The following PAX3 variants were observed in gnomAD, a reference collection of about 807,000 sequenced individuals.
The protein encoded by PAX3 is paired box 3, also known as paired box protein Pax-3.
In PAX3, 14 loss-of-function variants were observed where a neutral mutation model predicts 51.6. That is an observed-to-expected ratio of 0.27 (90% CI 0.18 to 0.42). The LOEUF (loss-of-function observed/expected upper bound fraction) is 0.42, where lower values mean the gene tolerates loss of function less well. Among genes scored for constraint, PAX3 ranks in the 10% least tolerant of loss-of-function variants. PAX3 has a pLI of 1.00. For missense variants in PAX3, 540 were observed against 642.8 expected, an observed-to-expected ratio of 0.84 and a Z score of 1.73; for synonymous variants, 280 against 253.4, an observed-to-expected ratio of 1.11 and a Z score of -1.00.
Position 222,213,459 on chromosome 2 carries a change from G to A in PAX3, c.1173+6681C>T, listed in dbSNP as rs370965656. 4.1e-4 allele frequency among the ~76,000 whole-genome samples: 63 copies of A among 152,282 alleles called. 2 individuals carry two copies. Among genetic ancestry groups the A allele is most frequent in the African/African-American group, 1.5e-3 (61 of 41,578 alleles). On this transcript the variant is annotated intron_variant, in intron 7 of 8. Coordinates refer to ENST00000392070, the MANE Select transcript of PAX3 (RefSeq NM_181458.4). ...GGCCAGTGGTTATTCTGGTGTAGCT[G>A]AAATGGGCTCGTTTATGATCATAAA... is the stretch of plus-strand genomic sequence containing the variant.
chr2:222,232,665 A>G (rs781184730), intron 4 of PAX3, among the ~76,000 whole-genome samples: 10 of 152,140 alleles, frequency 6.6e-5, no homozygotes, highest in Non-Finnish European at 1.0e-4. Flanking sequence ...GTATGGCCCT[A>G]TGCTTACTAC....
chr2:222,294,262 T>C lies in PAX3; in HGVS notation c.491A>G (p.Lys164Arg), dbSNP rs1475865343. 2 of 1,614,210 alleles carry C rather than the reference T, an allele frequency of 1.2e-6. No homozygotes were observed. The highest frequency in any genetic ancestry group is 1.7e-6 in the Non-Finnish European group (2 of 1,180,030). The part of the protein sequence containing the change: ...ISRILRSKFG[K>R]GEEEEADLER... Reference sequence around the variant, plus strand: ...CAAGTCGGCCTCCTCCTCTTCACCTTTCCCGAATTTACTTCTCAGGATGCG... The same window carrying C: ...CAAGTCGGCCTCCTCCTCTTCACCTCTCCCGAATTTACTTCTCAGGATGCG... Residue 164 changes from lysine to arginine, a missense_variant, in exon 4 of 9, where the codon AAA (lysine) becomes AGA (arginine). Lys to Arg is a conservative substitution (Grantham distance 26). This residue lies in a region of PAX3 where 427 missense variants were observed against 483.6 expected (regional missense o/e 0.88). Coordinates refer to ENST00000392070, the MANE Select transcript of PAX3 (RefSeq NM_181458.4).
chr2:222,231,499 GCTT>G lies in PAX3; in HGVS notation c.792+576_792+578del, dbSNP rs1692593529. ...TTTAAGTAATATAATTTCTTGAAAT[GCTT>G]CTTAATTATAAAATCGTTAAATGAA... On this transcript the variant is annotated intron_variant, in intron 5 of 8. Coordinates refer to ENST00000392070, the MANE Select transcript of PAX3 (RefSeq NM_181458.4). Among the ~76,000 whole-genome samples, 3 of 152,132 alleles carry G rather than the reference GCTT, an allele frequency of 2.0e-5. No individual in the cohort carries two copies. The South Asian group carries it at 6.2e-4, about 32-fold the overall frequency.
At chr2:222,243,072 C>T (rs935825722) in intron 4 of PAX3, among the ~76,000 whole-genome samples, 2 of 152,172 alleles carry the variant, frequency 1.3e-5, no homozygotes, top group Non-Finnish European at 2.9e-5. Context: ...TAGGACAAAA[C>T]TACCGAAAGA....
chr2:222,281,511 T>C (rs1266325004), intron 4 of PAX3, among the ~76,000 whole-genome samples: 1 of 152,212 alleles, frequency 6.6e-6, no homozygotes, highest in African/African-American at 2.4e-5. Flanking sequence ...TTCACCTGTA[T>C]AGATAAAAGC....
At position 222,221,311 on chromosome 2, in the gene PAX3, A is replaced by C. The variant is rs1259070275; in HGVS notation, c.869T>G (p.Ile290Ser). 2 of 1,613,954 alleles carry C rather than the reference A, an allele frequency of 1.2e-6. No individual in the cohort carries two copies. The highest frequency in any genetic ancestry group is 2.7e-5 in the African/African-American group (2 of 74,928). The change falls in exon 6 of 9, where the codon ATT (isoleucine) becomes AGT (serine). Residue 290 changes from isoleucine to serine, a missense_variant. Ile to Ser is a moderately radical substitution (Grantham distance 142). This residue lies in a region of PAX3 where 427 missense variants were observed against 483.6 expected (regional missense o/e 0.88). Transcript: ENST00000392070. The part of the protein sequence containing the change: ...ANQLMAFNHL[I>S]PGGFPPTAMP... The stretch of plus-strand genomic sequence containing the variant: ...GGCAGTGGGAGGGAACCCCCCGGGA[A>C]TGAGATGGTTGAAAGCCATCAGTTG...
At chr2:222,222,995 T>C (rs1692257165) in intron 5 of PAX3, among the ~76,000 whole-genome samples, 1 of 152,204 alleles carries the variant, frequency 6.6e-6, no homozygotes, top group African/African-American at 2.4e-5. Flanking sequence ...AGATGCAGCT[T>C]GTTACAGGAG....
intron 7 of PAX3, among the ~76,000 whole-genome samples, chr2:222,204,802 C>A (rs1382409483): frequency 2.0e-5 from 3 of 152,110 alleles, no homozygotes; most frequent in Non-Finnish European, 4.4e-5. Flanking sequence ...TATTGTCCTT[C>A]ATGAAGATAC....
At chr2:222,261,533 T>C (rs545776739) in intron 4 of PAX3, among the ~76,000 whole-genome samples, 56 of 151,660 alleles carry the variant, frequency 3.7e-4, no homozygotes, top group Middle Eastern at 3.4e-3. Context: ...AATATTTCTC[T>C]AATTGTCCTC....
intron 4 of PAX3, among the ~76,000 whole-genome samples, chr2:222,241,259 G>C (rs1693005311): frequency 6.6e-6 from 1 of 152,174 alleles, no homozygotes; most frequent in South Asian, 2.1e-4. Context: ...CCAAGAGAGA[G>C]GCCATTATTG....
At chr2:222,237,128 T>TA (rs1692827323) in intron 4 of PAX3, among the ~76,000 whole-genome samples, 1 of 152,050 alleles carries the variant, frequency 6.6e-6, no homozygotes, top group African/African-American at 2.4e-5. Flanking sequence ...CCTTCCCCCC[T>TA]AACTTCACAG....
At chr2:222,221,533 C>G (rs766866455) in intron 5 of PAX3, 146 bp from the exon 6 acceptor site, 13 of 773,530 alleles carry the variant, frequency 1.7e-5, no homozygotes, top group South Asian at 1.7e-4. Context: ...GTTGTTTGGG[C>G]GAATTGTCAG....
chr2:222,269,186 G>A (rs745378287), intron 4 of PAX3, among the ~76,000 whole-genome samples: 39 of 152,072 alleles, frequency 2.6e-4, no homozygotes, highest in Non-Finnish European at 4.9e-4. Flanking sequence ...GAACAAATAC[G>A]GACTGTTTCT....
At chr2:222,205,673 A>T (rs1691477119) in intron 7 of PAX3, among the ~76,000 whole-genome samples, 1 of 152,248 alleles carries the variant, frequency 6.6e-6, no homozygotes, top group Admixed American at 6.5e-5. Context: ...AACTTGAGAA[A>T]TATACACCAT....
intron 4 of PAX3, among the ~76,000 whole-genome samples, chr2:222,254,845 T>G (rs1018842028): frequency 1.3e-5 from 2 of 152,146 alleles, no homozygotes; most frequent in Non-Finnish European, 2.9e-5. Flanking sequence ...TGCAGTGGCA[T>G]GATCTCATCT....
intron 5 of PAX3, 96 bp from the exon 6 acceptor site, chr2:222,221,483 C>A: frequency 8.7e-7 from 1 of 1,144,804 alleles, no homozygotes. Flanking sequence ...AGGCTTCTTA[C>A]TGAAAGGGCA....
chr2:222,292,317 A>G (rs1389314298), intron 4 of PAX3, among the ~76,000 whole-genome samples: 1 of 152,156 alleles, frequency 6.6e-6, no homozygotes, highest in Non-Finnish European at 1.5e-5. Flanking sequence ...TCCTTTGTTC[A>G]CATCAAGCTG....
intron 4 of PAX3, among the ~76,000 whole-genome samples, chr2:222,290,773 G>T (rs1243070017): frequency 1.3e-5 from 2 of 152,164 alleles, no homozygotes; most frequent in African/African-American, 4.8e-5. Flanking sequence ...CTGCTGGAGG[G>T]GGAGAAGGAG....
intron 4 of PAX3, among the ~76,000 whole-genome samples, chr2:222,250,042 G>C (rs1559285236): frequency 6.6e-6 from 1 of 152,080 alleles, no homozygotes; most frequent in Non-Finnish European, 1.5e-5. Flanking sequence ...GAATAAAACT[G>C]TGGTTTTATT....
Sources: allele counts gnomAD v4.1 joint callset (sites outside exome capture counted in the v4.1 genomes callset), GRCh38; gene constraint gnomAD v4.1.1; regional missense constraint gnomAD v4.1.1; transcripts MANE v1.5; gene names NCBI Gene and HGNC (gene_info 2026-07-23, HGNC 2026-07-21).